PARP12: variants seen among roughly 807,000 people sequenced by gnomAD.
The protein encoded by PARP12 is protein mono-ADP-ribosyltransferase PARP12.
PARP12 carries 59 observed loss-of-function variants against 72.4 expected under a neutral mutation model. That is an observed-to-expected ratio of 0.81 (90% CI 0.66 to 1.01). The LOEUF is 1.01. PARP12 is among the 50% of genes least tolerant of loss of function. The pLI, the probability that PARP12 is intolerant of heterozygous loss-of-function variation, is 0.00. For missense variants in PARP12, 851 were observed against 914.0 expected (o/e 0.93, Z 0.89); for synonymous variants, 403 against 371.4 (o/e 1.09, Z -0.98).
chr7:140,050,270 A>G (rs933909751), intron 4 of PARP12, among the ~76,000 whole-genome samples: 30 of 152,204 alleles, frequency 2.0e-4, no homozygotes, highest in African/African-American at 6.8e-4. Flanking sequence ...GCCAATCCCA[A>G]TGAGAACAAT....
At chr7:140,051,920 T>TAGCAAAGAGCAG (rs1376379448) in intron 4 of PARP12, among the ~76,000 whole-genome samples, 6 of 152,206 alleles carry the variant, frequency 3.9e-5, no homozygotes, top group African/African-American at 1.4e-4. Flanking sequence ...AAGCAGATGT[T>TAGCAAAGAGCAG]ATTGCTCTTT....
At chr7:140,052,058 C>T (rs1190392383) in intron 4 of PARP12, among the ~76,000 whole-genome samples, 3 of 152,182 alleles carry the variant, frequency 2.0e-5, no homozygotes, top group African/African-American at 7.2e-5. Context: ...TGCTTTGTCT[C>T]CAGGATCCTA....
chr7:140,030,146 C>T lies in PARP12; in HGVS notation c.1422-1458G>A, dbSNP rs1815885496. ...TAGCCAAAGGAAAAAAGAGTGATTA[C>T]TGTCAAAGAAGCACCTGTTAGACCA... On this transcript the variant is annotated intron_variant, in intron 8 of 11. Coordinates refer to ENST00000263549, the MANE Select transcript of PARP12 (RefSeq NM_022750.4). Among the ~76,000 whole-genome samples, 2 of 152,174 alleles carry T rather than the reference C, an allele frequency of 1.3e-5. 1 individual carries two copies. Among genetic ancestry groups the T allele is most frequent in the African/African-American group, 4.8e-5 (2 of 41,438 alleles).
At chr7:140,053,024 A>G (rs956038352) in intron 4 of PARP12, among the ~76,000 whole-genome samples, 1 of 152,228 alleles carries the variant, frequency 6.6e-6, no homozygotes, top group Non-Finnish European at 1.5e-5. Context: ...ATTATTATCT[A>G]TTTTGGAAGA....
intron 8 of PARP12, 37 bp downstream of exon 8, chr7:140,034,198 T>C: frequency 1.9e-6 from 3 of 1,601,514 alleles, no homozygotes; most frequent in Non-Finnish European, 2.6e-6. Flanking sequence ...CCCCAGCTGA[T>C]TACATCCTAA....
chr7:140,040,328 C>T (rs538793549), intron 6 of PARP12, among the ~76,000 whole-genome samples: 94 of 152,204 alleles, frequency 6.2e-4, no homozygotes, highest in Non-Finnish European at 1.2e-3. Flanking sequence ...AGGTCGCCCA[C>T]GACGGGAGGG....
rs1816759339 is a variant in PARP12 at position 140,047,003 on chromosome 7, C to T, written c.867G>A (p.Lys289=). ...GCAAATGGAAATGAACTCTATGGCA[C>T]TTATCTGAAATAAAAACATAAAGGA... ...HIRKSCSFQD[K]CHRVHFHLPY... Residue 289 remains lysine (K), a synonymous_variant, in exon 5 of 12, where the codon AAG becomes AAA. Coordinates refer to ENST00000263549, the MANE Select transcript of PARP12 (RefSeq NM_022750.4). 6.2e-7 allele frequency: 1 copy of T among 1,611,398 alleles called. No homozygotes were observed. Among genetic ancestry groups the T allele is most frequent in the Non-Finnish European group, 8.5e-7 (1 of 1,178,988 alleles).
At chr7:140,062,392 G>A in intron 1 of PARP12, 130 bp downstream of exon 1, 1 of 920,040 alleles carries the variant, frequency 1.1e-6, no homozygotes, top group South Asian at 1.7e-5. Context: ...TTTAGTGAAT[G>A]ACGGTGCGAG....
chr7:140,032,609 A>C (rs925705405), intron 8 of PARP12, among the ~76,000 whole-genome samples: 1 of 152,238 alleles, frequency 6.6e-6, no homozygotes, highest in Non-Finnish European at 1.5e-5. Context: ...TGGTACATAC[A>C]TATTACAGAG....
At position 140,046,978 on chromosome 7, in the gene PARP12, G is replaced by A; in HGVS notation, c.892C>T (p.Pro298Ser). Residue 298 changes from proline to serine, a missense_variant, in exon 5 of 12, where the codon CCG (proline) becomes TCG (serine). Physicochemically the swap from Pro to Ser is moderately conservative, Grantham distance 74. This residue lies in a region of PARP12 where 492 missense variants were observed against 489.3 expected (regional missense o/e 1.01). Transcript: ENST00000263549. ...DKCHRVHFHL[P>S]YRWQFLDRGK... The stretch of plus-strand genomic sequence containing the variant: ...CTATCCAAGAATTGCCATCGATACG[G>A]CAAATGGAAATGAACTCTATGGCAC... 1 of 1,613,692 alleles carries A rather than the reference G, an allele frequency of 6.2e-7. No individual in the cohort carries two copies. Among genetic ancestry groups the A allele is most frequent in the Non-Finnish European group, 8.5e-7 (1 of 1,179,860 alleles).
At chr7:140,042,439 G>A (rs894267939) in intron 5 of PARP12, among the ~76,000 whole-genome samples, 1 of 152,230 alleles carries the variant, frequency 6.6e-6, no homozygotes, top group Non-Finnish European at 1.5e-5. Context: ...ACTGCCTAAA[G>A]ACCAAAGGAA....
Position 140,028,664 on chromosome 7 carries a change from C to A in PARP12, c.1446G>T (p.Lys482Asn). ...QTCNTKFPGP[K>N]SIPDYWDSSA... ...AGGAGTCCCAATAGTCTGGGATGCT[C>A]TTCGGGCCTGGAAACTTGGTATTGC... is the stretch of plus-strand genomic sequence containing the variant. Residue 482 changes from lysine to asparagine, a missense_variant, in exon 9 of 12, where the codon AAG becomes AAT. By Grantham distance (94) the Lys-to-Asn change is moderately conservative. Coordinates refer to ENST00000263549, the MANE Select transcript of PARP12 (RefSeq NM_022750.4). 1 of 1,605,034 alleles carries A rather than the reference C, an allele frequency of 6.2e-7. No individual in the cohort carries two copies. The highest frequency in any genetic ancestry group is 1.1e-5 in the South Asian group (1 of 89,162).
chr7:140,054,611 C>G lies in PARP12; in HGVS notation c.862+51G>C, dbSNP rs1817105172. The stretch of plus-strand genomic sequence containing the variant: ...CTTCAGAGCACAGCTCTGGGAATGA[C>G]AAGCAGTTACCCCTCCCACAAGTGG... On this transcript the variant is annotated intron_variant, in intron 4 of 11. Coordinates refer to ENST00000263549, the MANE Select transcript of PARP12 (RefSeq NM_022750.4). The G allele has an allele frequency of 2.8e-6, 4 of 1,414,704 alleles. No individual in the cohort carries two copies. The South Asian group carries it at 4.6e-5, about 16-fold the overall frequency. 87.6% of individuals were successfully genotyped at this position (1,414,704 alleles called of 1,614,324 possible).
At chr7:140,058,465 A>T (rs1817285650) in intron 1 of PARP12, among the ~76,000 whole-genome samples, 1 of 151,300 alleles carries the variant, frequency 6.6e-6, no homozygotes, top group African/African-American at 2.4e-5. Context: ...GAGCCACTGC[A>T]CTCCAGCCTG....
intron 5 of PARP12, among the ~76,000 whole-genome samples, chr7:140,042,078 C>T (rs568019738): frequency 2.2e-4 from 33 of 152,220 alleles, no homozygotes; most frequent in Admixed American, 5.9e-4. Flanking sequence ...TACAAAATGC[C>T]GAAGATGCTG....
In PARP12 at chr7:140,056,964, C is replaced by G. The variant is rs1364923267; in HGVS notation, c.652G>C (p.Asp218His). The G allele has an allele frequency of 1.9e-6, 3 of 1,614,098 alleles. No individual in the cohort carries two copies. The highest frequency in any genetic ancestry group is 1.7e-5 in the Admixed American group (1 of 60,002). ...ATGGTAGGCAGCCTGCTCACCAGGTCTGAGCTCATACCCAACTTCTCCAAT... is the reference window on the plus strand; with the variant it reads ...ATGGTAGGCAGCCTGCTCACCAGGTGTGAGCTCATACCCAACTTCTCCAAT... ...EKLEKLGMSS[D>H]LVSRLPTIYR... Residue 218 changes from aspartate (D) to histidine (H), a missense_variant, in exon 3 of 12, where the codon GAC becomes CAC. Physicochemically the swap from Asp to His is moderately conservative, Grantham distance 81. This residue lies in a region of PARP12 where 492 missense variants were observed against 489.3 expected (regional missense o/e 1.01). Coordinates refer to ENST00000263549, the MANE Select transcript of PARP12 (RefSeq NM_022750.4).
chr7:140,032,978 G>T (rs1048526552), intron 8 of PARP12, among the ~76,000 whole-genome samples: 2 of 152,000 alleles, frequency 1.3e-5, no homozygotes, highest in African/African-American at 4.8e-5. Flanking sequence ...TTTGAGACGG[G>T]TCTCACTCTG....
chr7:140,028,768 A>C (rs539537599), intron 8 of PARP12, 80 bp from the exon 9 acceptor site: 1 of 1,224,902 alleles, frequency 8.2e-7, no homozygotes, highest in South Asian at 1.3e-5. Context: ...TCTGCTAGCC[A>C]ATATCACCAG....
intron 1 of PARP12, among the ~76,000 whole-genome samples, chr7:140,058,396 A>G (rs540507935): frequency 1.2e-4 from 19 of 152,186 alleles, no homozygotes; most frequent in African/African-American, 4.6e-4. Flanking sequence ...ATGTAGTCCC[A>G]GCTACTCTGG....
Sources: allele counts gnomAD v4.1 joint callset (sites outside exome capture counted in the v4.1 genomes callset), GRCh38; gene constraint gnomAD v4.1.1; regional missense constraint gnomAD v4.1.1; transcripts MANE v1.5; gene names NCBI Gene and HGNC (gene_info 2026-07-23, HGNC 2026-07-21).